PDE7A: variants seen among roughly 807,000 people sequenced by gnomAD.
The protein encoded by PDE7A is phosphodiesterase 7A.
Under a neutral mutation model 64.3 loss-of-function variants are expected in PDE7A, and 39 were observed. The ratio of observed to expected loss-of-function variants is 0.61; its 90% confidence interval spans 0.47 to 0.79. The LOEUF (loss-of-function observed/expected upper bound fraction) is 0.79. Ranked by LOEUF, PDE7A falls within the 30% of genes least tolerant of loss-of-function variation. The pLI, the probability that PDE7A is intolerant of heterozygous loss-of-function variation, is 0.00. For synonymous variants in PDE7A, 203 were observed against 206.8 expected, an observed-to-expected ratio of 0.98 and a Z score of 0.16; for missense variants, 470 against 582.8, an observed-to-expected ratio of 0.81 and a Z score of 1.99.
At chr8:65,816,493 A>G (rs1810406085) in intron 1 of PDE7A, among the ~76,000 whole-genome samples, 1 of 152,204 alleles carries the variant, frequency 6.6e-6, no homozygotes, top group African/African-American at 2.4e-5. Context: ...GTCATTTCCT[A>G]TCAACCTAAA....
chr8:65,744,392 C>T (rs1274800930), intron 5 of PDE7A, among the ~76,000 whole-genome samples: 1 of 152,108 alleles, frequency 6.6e-6, no homozygotes, highest in Non-Finnish European at 1.5e-5. Flanking sequence ...AATTGTACCA[C>T]CAATAATTAT....
At chr8:65,725,457 C>T (rs1202915535) in intron 9 of PDE7A, 1 of 154,264 alleles carries the variant, frequency 6.5e-6, no homozygotes, top group African/African-American at 2.4e-5. Flanking sequence ...CAAGGTTAAA[C>T]TCAAGAACCA....
intron 3 of PDE7A, among the ~76,000 whole-genome samples, chr8:65,750,082 T>C (rs919296270): frequency 3.3e-5 from 5 of 152,334 alleles, no homozygotes; most frequent in East Asian, 1.9e-4. Flanking sequence ...CCACCATCTC[T>C]GTATTTGTAA....
intron 1 of PDE7A, among the ~76,000 whole-genome samples, chr8:65,817,813 C>T (rs927506942): frequency 1.3e-5 from 2 of 149,458 alleles, no homozygotes; most frequent in East Asian, 3.9e-4. Flanking sequence ...AGTGCAGCGG[C>T]GCTATCTCTG....
In PDE7A at chr8:65,813,981, CTCTTT is replaced by C. The variant is rs762104338; in HGVS notation, c.138+27385_138+27389del. On this transcript the variant is annotated intron_variant, in intron 1 of 12. Transcript: ENST00000401827. ...ATTTCAGTTTGCAAATGATTTTATT[CTCTTT>C]TATTAAAATTGCTAATAAATGGTCA... Among the ~76,000 whole-genome samples, 106 of 152,262 alleles carry C rather than the reference CTCTTT, an allele frequency of 7.0e-4. 1 individual carries two copies. The East Asian group carries it at 0.011, about 16-fold the overall frequency.
intron 1 of PDE7A, among the ~76,000 whole-genome samples, chr8:65,833,870 A>G (rs1013977868): frequency 6.6e-6 from 1 of 152,062 alleles, no homozygotes; most frequent in Non-Finnish European, 1.5e-5. Flanking sequence ...AGGGTCATTT[A>G]AGGCCGGGAT....
intron 6 of PDE7A, among the ~76,000 whole-genome samples, chr8:65,735,157 GC>G (rs1426373097): frequency 6.6e-6 from 1 of 152,130 alleles, no homozygotes; most frequent in East Asian, 1.9e-4. Context: ...CTACTTGACA[GC>G]CCTAGCAGCA....
At chr8:65,791,420 C>T (rs902903500) in intron 1 of PDE7A, among the ~76,000 whole-genome samples, 2 of 152,172 alleles carry the variant, frequency 1.3e-5, no homozygotes, top group African/African-American at 4.8e-5. Flanking sequence ...GAATTAAATT[C>T]TACTGTATTT....
At chr8:65,736,353 C>G (rs1375346335) in intron 6 of PDE7A, among the ~76,000 whole-genome samples, 1 of 152,200 alleles carries the variant, frequency 6.6e-6, no homozygotes, top group Non-Finnish European at 1.5e-5. Flanking sequence ...TATTTTCAGA[C>G]TACAGTTGAC....
intron 1 of PDE7A, among the ~76,000 whole-genome samples, chr8:65,809,093 G>C (rs956915251): frequency 2.6e-5 from 4 of 152,158 alleles, no homozygotes; most frequent in African/African-American, 9.7e-5. Context: ...AACCTTATTA[G>C]CCATGTGACC....
At chr8:65,792,461 C>T (rs1809727133) in intron 1 of PDE7A, among the ~76,000 whole-genome samples, 1 of 152,202 alleles carries the variant, frequency 6.6e-6, no homozygotes, top group Non-Finnish European at 1.5e-5. Flanking sequence ...CACAGGACAC[C>T]TGTCAATCTT....
chr8:65,724,407 C>G (rs935658934), intron 10 of PDE7A, 56 bp from the exon 11 acceptor site: 1 of 1,139,192 alleles, frequency 8.8e-7, no homozygotes, highest in Non-Finnish European at 1.3e-6. Flanking sequence ...GACAATAATA[C>G]CAAAGAACCA....
At chr8:65,811,751 T>C (rs1432056771) in intron 1 of PDE7A, among the ~76,000 whole-genome samples, 1 of 150,370 alleles carries the variant, frequency 6.7e-6, no homozygotes, top group Admixed American at 6.6e-5. Flanking sequence ...AAGAAGGGAG[T>C]TTTCGACAAA....
chr8:65,787,030 G>A (rs1585917897), intron 1 of PDE7A, among the ~76,000 whole-genome samples: 1 of 152,298 alleles, frequency 6.6e-6, no homozygotes. Context: ...TGTAAAAGTT[G>A]TTCCCAATAT....
intron 9 of PDE7A, among the ~76,000 whole-genome samples, chr8:65,726,396 G>A (rs1165600308): frequency 1.3e-5 from 2 of 151,936 alleles, no homozygotes; most frequent in Admixed American, 6.6e-5. Flanking sequence ...CTAGAAGTGT[G>A]ACTCCAGGAT....
chr8:65,777,316 T>A (rs1220568020), intron 3 of PDE7A, among the ~76,000 whole-genome samples: 2 of 152,062 alleles, frequency 1.3e-5, no homozygotes, highest in Non-Finnish European at 2.9e-5. Context: ...CGACCTCAGA[T>A]GATCCGCCCG....
At chr8:65,734,926 G>C in intron 6 of PDE7A, 32 bp from the exon 7 acceptor site, 1 of 1,333,744 alleles carries the variant, frequency 7.5e-7, no homozygotes, top group Non-Finnish European at 1.1e-6. Context: ...CGATTTTATT[G>C]TATATGAGCA....
At chr8:65,811,544 G>C (rs1184952080) in intron 1 of PDE7A, among the ~76,000 whole-genome samples, 3 of 152,238 alleles carry the variant, frequency 2.0e-5, no homozygotes, top group African/African-American at 7.2e-5. Flanking sequence ...AAGATGAAGA[G>C]TAGAGAATAT....
At chr8:65,730,085 G>A (rs1329836264) in intron 7 of PDE7A, among the ~76,000 whole-genome samples, 1 of 150,806 alleles carries the variant, frequency 6.6e-6, no homozygotes, top group Non-Finnish European at 1.5e-5. Context: ...ATTATTGCCT[G>A]AGCTCTGCCT....
Sources: gnomAD v4.1 joint callset for allele counts (sites outside exome capture counted in the v4.1 genomes callset) on GRCh38, gnomAD v4.1.1 for gene constraint, MANE v1.5 for transcripts, NCBI Gene and HGNC (gene_info 2026-07-23, HGNC 2026-07-21) for gene names.